Variants in SEMA6D observed in about 807,000 individuals in gnomAD.
The protein encoded by SEMA6D is semaphorin 6D.
SEMA6D carries 35 observed loss-of-function variants against 106.6 expected under a neutral mutation model. The observed-to-expected ratio is 0.33, with a 90% CI of 0.25 to 0.44. The LOEUF is 0.44. Among genes scored for constraint, SEMA6D ranks in the 20% least tolerant of loss-of-function variants. The probability of loss-of-function intolerance (pLI) is 1.00; values close to 1 mark genes in which losing one functional copy is unlikely to be tolerated. For missense variants in SEMA6D, 1,185 were observed against 1,345.9 expected, an observed-to-expected ratio of 0.88 and a Z score of 1.87; for synonymous variants, 499 against 487.7, an observed-to-expected ratio of 1.02 and a Z score of -0.31.
At chr15:47,547,562 A>G (rs1002395024) in intron 3 of SEMA6D, among the ~76,000 whole-genome samples, 2 of 152,150 alleles carry the variant, frequency 1.3e-5, no homozygotes, top group Admixed American at 6.5e-5. Flanking sequence ...ACCTTTCAGC[A>G]TTTGGTAAGT....
intron 1 of SEMA6D, among the ~76,000 whole-genome samples, chr15:47,720,559 T>A (rs1288533311): frequency 6.6e-6 from 1 of 152,230 alleles, no homozygotes; most frequent in African/African-American, 2.4e-5. Flanking sequence ...AGTTCCTTGC[T>A]GCATGCACAG....
At chr15:47,632,116 T>C (rs1252558935) in intron 4 of SEMA6D, among the ~76,000 whole-genome samples, 1 of 151,990 alleles carries the variant, frequency 6.6e-6, no homozygotes, top group Non-Finnish European at 1.5e-5. Flanking sequence ...GTTTTTTGTT[T>C]TTTAGATTTT....
chr15:47,324,027 G>T (rs1336276311), intron 1 of SEMA6D, among the ~76,000 whole-genome samples: 2 of 151,208 alleles, frequency 1.3e-5, no homozygotes, highest in African/African-American at 4.9e-5. Flanking sequence ...GAGTTTTCCA[G>T]ATATTTTTGA....
At chr15:47,294,951 A>G (rs574197502) in intron 1 of SEMA6D, among the ~76,000 whole-genome samples, 1 of 152,332 alleles carries the variant, frequency 6.6e-6, no homozygotes, top group Admixed American at 6.5e-5. Flanking sequence ...TCTCTTGTGC[A>G]ATATTTCCTT....
chr15:47,427,057 G>T (rs544630039), intron 2 of SEMA6D, among the ~76,000 whole-genome samples: 1 of 152,134 alleles, frequency 6.6e-6, no homozygotes, highest in African/African-American at 2.4e-5. Flanking sequence ...GTTATAAGAC[G>T]TATTTGCATT....
At chr15:47,366,796 T>A (rs912470331) in intron 1 of SEMA6D, among the ~76,000 whole-genome samples, 1 of 152,104 alleles carries the variant, frequency 6.6e-6, no homozygotes, top group Admixed American at 6.5e-5. Context: ...CAAGAAAGCG[T>A]GTAAGGAAAG....
intron 2 of SEMA6D, among the ~76,000 whole-genome samples, chr15:47,426,132 A>G (rs1180776458): frequency 6.6e-6 from 1 of 152,116 alleles, no homozygotes. Context: ...AAATATACAC[A>G]TGGATTTTGT....
chr15:47,741,537 A>G (rs2080815772), intron 1 of SEMA6D, among the ~76,000 whole-genome samples: 2 of 152,146 alleles, frequency 1.3e-5, no homozygotes, highest in Non-Finnish European at 2.9e-5. Flanking sequence ...ACCAACGTGG[A>G]GAAACCTCGT....
chr15:47,287,071 C>T (rs147890717), intron 1 of SEMA6D, among the ~76,000 whole-genome samples: 3 of 152,268 alleles, frequency 2.0e-5, no homozygotes, highest in African/African-American at 7.2e-5. Context: ...GTCTGATAAA[C>T]AAGCTCTAGG....
chr15:47,378,262 T>C (rs281252), intron 1 of SEMA6D, among the ~76,000 whole-genome samples: 98,046 of 152,052 alleles, frequency 0.64, 32,476 homozygotes, highest in Non-Finnish European at 0.72. Flanking sequence ...TTTGGAAGGC[T>C]GAGGCGGGCG....
chr15:47,238,156 A>G (rs1047136518), intron 1 of SEMA6D, among the ~76,000 whole-genome samples: 2 of 152,158 alleles, frequency 1.3e-5, no homozygotes, highest in African/African-American at 4.8e-5. Context: ...TAAAGACATC[A>G]TTAATATTCA....
intron 1 of SEMA6D, among the ~76,000 whole-genome samples, chr15:47,725,044 G>T (rs889727447): frequency 6.6e-6 from 1 of 152,202 alleles, no homozygotes; most frequent in African/African-American, 2.4e-5. Flanking sequence ...AACTTGAAAA[G>T]GCTTTAGATG....
At chr15:47,348,449 C>T (rs903829026) in intron 1 of SEMA6D, among the ~76,000 whole-genome samples, 1 of 152,028 alleles carries the variant, frequency 6.6e-6, no homozygotes, top group Non-Finnish European at 1.5e-5. Flanking sequence ...ATTACTGTTG[C>T]TACTATAGGT....
intron 2 of SEMA6D, among the ~76,000 whole-genome samples, chr15:47,434,807 G>A (rs1595986884): frequency 6.6e-6 from 1 of 152,108 alleles, no homozygotes; most frequent in East Asian, 1.9e-4. Flanking sequence ...GAGACTTAGT[G>A]CACAAGAGGA....
At chr15:47,248,330 T>A (rs555100370) in intron 1 of SEMA6D, among the ~76,000 whole-genome samples, 1 of 152,170 alleles carries the variant, frequency 6.6e-6, no homozygotes, top group Non-Finnish European at 1.5e-5. Flanking sequence ...AGGAAACAAA[T>A]GAGAAAAACA....
chr15:47,595,244 C>A (rs925118778), intron 3 of SEMA6D, among the ~76,000 whole-genome samples: 1 of 152,128 alleles, frequency 6.6e-6, no homozygotes, highest in African/African-American at 2.4e-5. Flanking sequence ...GAGGTACATT[C>A]CTTCCATACC....
intron 4 of SEMA6D, among the ~76,000 whole-genome samples, chr15:47,688,478 AC>A (rs1235272067): frequency 1.3e-5 from 2 of 152,206 alleles, no homozygotes; most frequent in African/African-American, 4.8e-5. Flanking sequence ...CATTCATTCA[AC>A]AATTATTATT....
chr15:47,360,879 G>T (rs1189659565), intron 1 of SEMA6D, among the ~76,000 whole-genome samples: 1 of 152,220 alleles, frequency 6.6e-6, no homozygotes, highest in African/African-American at 2.4e-5. Flanking sequence ...TTGTCAGAGG[G>T]ATATAGTGGA....
In SEMA6D at chr15:47,330,731, T is replaced by G. The variant is rs150820957; in HGVS notation, c.-238-81662T>G. ...AATGAATTCTCAAGAAAGAATGTTG[T>G]GGGATCTCAGAGGTAGCCATGATTT... On this transcript the variant is annotated intron_variant, in intron 1 of 19. Coordinates refer to the SEMA6D transcript ENST00000558014. Among the ~76,000 whole-genome samples the G allele has an allele frequency of 4.6e-5, 7 of 152,280 alleles. 1 individual carries two copies. In the East Asian group the frequency reaches 9.7e-4, roughly 21 times the overall value.
Sources: allele counts gnomAD v4.1 joint callset (sites outside exome capture counted in the v4.1 genomes callset), GRCh38; gene constraint gnomAD v4.1.1; transcripts MANE v1.5; gene names NCBI Gene and HGNC (gene_info 2026-07-23, HGNC 2026-07-21).